ADAMTS19: variants seen among roughly 807,000 people sequenced by gnomAD.
ADAMTS19 encodes A disintegrin and metalloproteinase with thrombospondin motifs 19.
A neutral mutation model predicts 153.3 loss-of-function variants in ADAMTS19; 93 were observed. That is an observed-to-expected ratio of 0.61 (90% CI 0.51 to 0.72). ADAMTS19 has a LOEUF of 0.72. Ranked by LOEUF, ADAMTS19 falls within the 30% of genes least tolerant of loss-of-function variation. The probability of loss-of-function intolerance (pLI) is 0.00; values close to 1 mark genes in which losing one functional copy is unlikely to be tolerated. For missense variants in ADAMTS19, 1,482 were observed against 1,552.1 expected, an observed-to-expected ratio of 0.95 and a Z score of 0.76; for synonymous variants, 600 against 556.6, an observed-to-expected ratio of 1.08 and a Z score of -1.10.
At position 129,461,563 on chromosome 5, in the gene ADAMTS19, C is replaced by T; in HGVS notation, c.553C>T (p.Leu185=). Residue 185 remains leucine, a synonymous_variant, in exon 2 of 23, where the codon CTG becomes TTG. Transcript: ENST00000274487. The surrounding 1 kb of genome is among the most constrained non-coding windows in gnomAD (Gnocchi z 4.6). ...GGCCTTCTCTCGGGACCTGTACCTGCTGCTCCGGAGAGACGGCCGCTTCCT... is the reference window on the plus strand; with the variant it reads ...GGCCTTCTCTCGGGACCTGTACCTGTTGCTCCGGAGAGACGGCCGCTTCCT... ...IPAFSRDLYL[L]LRRDGRFLAP... 1 of 1,553,474 alleles carries T rather than the reference C, an allele frequency of 6.4e-7. No individual in the cohort carries two copies. The highest frequency in any genetic ancestry group is 8.6e-7 in the Non-Finnish European group (1 of 1,156,342).
At chr5:129,535,002 A>G (rs1752360170) in intron 6 of ADAMTS19, among the ~76,000 whole-genome samples, 2 of 152,220 alleles carry the variant, frequency 1.3e-5, no homozygotes, top group Admixed American at 1.3e-4. Context: ...GAAAACTGGC[A>G]CAAGACAGGG....
rs140735431 is a variant in ADAMTS19 at position 129,644,320 on chromosome 5, C to T, written c.1872+2360C>T. On this transcript the variant is annotated intron_variant, in intron 11 of 22. Transcript: ENST00000274487. ...GCCATCGTGAAAATAGCTTCCAACA[C>T]TCTGCCATTGTGTGCAGTAGTGCTA... 2.0e-3 allele frequency among the ~76,000 whole-genome samples: 309 copies of T among 152,300 alleles called. 2 individuals carry two copies. Among genetic ancestry groups the T allele is most frequent in the African/African-American group, 7.2e-3 (299 of 41,558 alleles).
intron 18 of ADAMTS19, among the ~76,000 whole-genome samples, chr5:129,693,744 T>A (rs1224564751): frequency 6.6e-6 from 1 of 152,178 alleles, no homozygotes; most frequent in African/African-American, 2.4e-5. Flanking sequence ...GAATACAGCA[T>A]ATAAATTGTC....
intron 13 of ADAMTS19, among the ~76,000 whole-genome samples, chr5:129,650,429 A>G (rs1418797882): frequency 1.3e-5 from 2 of 152,108 alleles, no homozygotes; most frequent in Non-Finnish European, 2.9e-5. Flanking sequence ...GCACCTACAT[A>G]CAAGCACTAA....
At chr5:129,555,754 A>G (rs980889858) in intron 7 of ADAMTS19, among the ~76,000 whole-genome samples, 2 of 152,188 alleles carry the variant, frequency 1.3e-5, no homozygotes, top group African/African-American at 4.8e-5. Flanking sequence ...TCTACCTCAG[A>G]TCTTCTGACT....
chr5:129,585,070 G>A (rs1226520526), intron 7 of ADAMTS19, among the ~76,000 whole-genome samples: 4 of 152,146 alleles, frequency 2.6e-5, no homozygotes, highest in African/African-American at 9.7e-5. Flanking sequence ...TGCAAAGACA[G>A]TGGGAAAAGC....
intron 14 of ADAMTS19, among the ~76,000 whole-genome samples, chr5:129,657,567 C>T (rs1435679076): frequency 6.6e-6 from 1 of 152,070 alleles, no homozygotes. Flanking sequence ...ATTGATTTGG[C>T]CTTAGAAGAT....
intron 8 of ADAMTS19, among the ~76,000 whole-genome samples, chr5:129,614,296 G>T (rs1207397503): frequency 6.6e-6 from 1 of 152,066 alleles, no homozygotes; most frequent in African/African-American, 2.4e-5. Context: ...ATAAAATACT[G>T]GCAAACTGAA....
intron 2 of ADAMTS19, among the ~76,000 whole-genome samples, chr5:129,468,542 C>T (rs536841085): frequency 1.5e-4 from 22 of 151,592 alleles, no homozygotes; most frequent in Admixed American, 1.2e-3. Flanking sequence ...TTAGTAGAGA[C>T]GGGGTTTCAC....
chr5:129,609,394 G>A (rs1211459901), intron 8 of ADAMTS19, among the ~76,000 whole-genome samples: 1 of 152,148 alleles, frequency 6.6e-6, no homozygotes, highest in African/African-American at 2.4e-5. Flanking sequence ...AATACAGAGT[G>A]ACTGAATAAT....
intron 10 of ADAMTS19, among the ~76,000 whole-genome samples, chr5:129,624,979 TC>T (rs1469823807): frequency 1.3e-5 from 2 of 151,714 alleles, no homozygotes; most frequent in South Asian, 4.2e-4. Flanking sequence ...ATGCTGTCCT[TC>T]CCCCATCCCC....
At chr5:129,563,700 A>T (rs1753603033) in intron 7 of ADAMTS19, among the ~76,000 whole-genome samples, 1 of 152,128 alleles carries the variant, frequency 6.6e-6, no homozygotes, top group Non-Finnish European at 1.5e-5. Flanking sequence ...TTTGTGAGAG[A>T]TATGCTGTTA....
chr5:129,641,420 C>A (rs983339256), intron 10 of ADAMTS19, among the ~76,000 whole-genome samples: 8 of 152,132 alleles, frequency 5.3e-5, no homozygotes, highest in Non-Finnish European at 8.8e-5. Context: ...AAAGTACTAA[C>A]CATGGCATTT....
chr5:129,665,881 C>CATATATAT lies in ADAMTS19; in HGVS notation c.2506+317_2506+324dup, dbSNP rs3979171. Among the ~76,000 whole-genome samples, 448 of 143,654 alleles carry CATATATAT rather than the reference C, an allele frequency of 3.1e-3. 4 individuals are homozygous for CATATATAT. The highest frequency in any genetic ancestry group is 0.011 in the African/African-American group (431 of 39,782). The allele number at this position is 143,654 out of a possible 152,430, so 94.2% of individuals were successfully genotyped here. On this transcript the variant is annotated intron_variant, in intron 16 of 22. Transcript: ENST00000274487. Reference sequence around the variant, plus strand: ...GAATGATTTGGGTATGATTTATATTCATATATATATATATATATATATTTC... The same window carrying CATATATAT: ...GAATGATTTGGGTATGATTTATATTCATATATATATATATATATATATATATATATTTC...
chr5:129,519,757 T>G (rs551261927), intron 3 of ADAMTS19, among the ~76,000 whole-genome samples: 80 of 152,276 alleles, frequency 5.3e-4, no homozygotes, highest in African/African-American at 1.9e-3. Context: ...GACCCTTGAC[T>G]CTACAGCCAA....
At chr5:129,736,822 A>T (rs1757685789) in intron 22 of ADAMTS19, among the ~76,000 whole-genome samples, 1 of 152,098 alleles carries the variant, frequency 6.6e-6, no homozygotes, top group Non-Finnish European at 1.5e-5. Flanking sequence ...CAACACATTG[A>T]ACCTGGGAAT....
At position 129,622,449 on chromosome 5, in the gene ADAMTS19, C is replaced by G. The variant is rs1329998940; in HGVS notation, c.1770+101C>G. On this transcript the variant is annotated intron_variant, in intron 10 of 22. Transcript: ENST00000274487. ...TTTTAGGGTTTGTGGATCAAAAGCA[C>G]CCCAATATATAAAAGAAGGATTTTC... 3 of 1,284,496 alleles carry G rather than the reference C, an allele frequency of 2.3e-6. No homozygotes were observed. In the East Asian group the frequency reaches 7.5e-5, roughly 32 times the overall value. The allele number at this position is 1,284,496 out of a possible 1,614,324, so 79.6% of individuals were successfully genotyped here. A position where few individuals can be genotyped will look rare whatever the true frequency, so the allele number is the denominator to read the frequency against.
At chr5:129,481,356 C>T (rs79600097) in intron 2 of ADAMTS19, among the ~76,000 whole-genome samples, 1 of 152,000 alleles carries the variant, frequency 6.6e-6, no homozygotes, top group South Asian at 2.1e-4. Flanking sequence ...GAAACCACCC[C>T]CCATGATCTA....
chr5:129,505,835 A>G (rs1381909119), intron 2 of ADAMTS19, among the ~76,000 whole-genome samples: 2 of 152,186 alleles, frequency 1.3e-5, no homozygotes, highest in African/African-American at 4.8e-5. Context: ...TTACATCCAG[A>G]TATTTACATG....
Sources: gnomAD v4.1 joint callset for allele counts (sites outside exome capture counted in the v4.1 genomes callset) on GRCh38, gnomAD v4.1.1 for gene constraint, Gnocchi (gnomAD v3.1) non-coding constraint, MANE v1.5 for transcripts, NCBI Gene and HGNC (gene_info 2026-07-23, HGNC 2026-07-21) for gene names.